RNF130: variants seen among roughly 807,000 people sequenced by gnomAD.
The protein encoded by RNF130 is ring finger protein 130.
Under a neutral mutation model 44.6 loss-of-function variants are expected in RNF130, and 21 were observed. The observed-to-expected ratio is 0.47, with a 90% CI of 0.33 to 0.68. The LOEUF (loss-of-function observed/expected upper bound fraction) is 0.68, where lower values mean the gene tolerates loss of function less well. Ranked by LOEUF, RNF130 falls within the 30% of genes least tolerant of loss-of-function variation. The pLI, the probability that RNF130 is intolerant of heterozygous loss-of-function variation, is 0.02. For missense variants in RNF130, 479 were observed against 560.6 expected (o/e 0.85, Z 1.47); for synonymous variants, 214 against 210.4 (o/e 1.02, Z -0.15).
intron 7 of RNF130, among the ~76,000 whole-genome samples, chr5:179,940,516 C>G (rs980215713): frequency 4.6e-5 from 7 of 152,166 alleles, no homozygotes; most frequent in African/African-American, 1.7e-4. Flanking sequence ...GGATTACAGG[C>G]ATGAGCCACT....
At position 180,022,649 on chromosome 5, in the gene RNF130, A is replaced by G. The variant is rs140857369; in HGVS notation, c.443-9338T>C. Among the ~76,000 whole-genome samples, 886 of 152,328 alleles carry G rather than the reference A, an allele frequency of 5.8e-3. 15 individuals are homozygous for G. Among genetic ancestry groups the G allele is most frequent in the African/African-American group, 0.02 (850 of 41,584 alleles). On this transcript the variant is annotated intron_variant, in intron 2 of 8. Coordinates refer to ENST00000521389, the MANE Select transcript of RNF130 (RefSeq NM_018434.6). ...GGAGCTCACGTGACTGAAGGTTCCC[A>G]GGCATTCTCCTTCTCCATTTGAACT... is the stretch of plus-strand genomic sequence containing the variant.
chr5:179,981,769 CT>C (rs1350865311), intron 3 of RNF130, among the ~76,000 whole-genome samples: 28 of 152,332 alleles, frequency 1.8e-4, no homozygotes, highest in Middle Eastern at 3.4e-3. Flanking sequence ...AAGCAGCTGG[CT>C]TGTTTGAATC....
intron 2 of RNF130, among the ~76,000 whole-genome samples, chr5:180,035,654 G>A (rs1206800268): frequency 6.6e-6 from 1 of 152,156 alleles, no homozygotes; most frequent in Admixed American, 6.5e-5. Flanking sequence ...CATTCTGTCA[G>A]TTTTTGCTTT....
rs1389194499 is a variant in RNF130, at chr5:179,998,198, T to C, written c.693+14863A>G. ...TTAGATTGTTTATTGCAAATCTCTA[T>C]TGTTTTGATGTAGGTGTTAATTGCT... On this transcript the variant is annotated intron_variant, in intron 3 of 8. Transcript: ENST00000521389. 1.5e-4 allele frequency among the ~76,000 whole-genome samples: 23 copies of C among 152,256 alleles called. 1 individual carries two copies. The highest frequency in any genetic ancestry group is 1.5e-3 in the Admixed American group (23 of 15,288).
chr5:179,948,688 G>C (rs558818836), intron 7 of RNF130, among the ~76,000 whole-genome samples: 4 of 151,930 alleles, frequency 2.6e-5, no homozygotes, highest in African/African-American at 9.7e-5. Context: ...AAAAGAGAGA[G>C]AGAGAAAAAA....
At chr5:179,915,091 G>C (rs1342229498) in exon 8 of RNF130, 1 of 151,204 alleles carries the variant, frequency 6.6e-6, no homozygotes, top group Non-Finnish European at 1.5e-5. Flanking sequence ...CACTTGGGAG[G>C]ACGAGGCAGG....
intron 7 of RNF130, among the ~76,000 whole-genome samples, chr5:179,932,205 T>C (rs1344886990): frequency 2.2e-5 from 3 of 133,922 alleles, no homozygotes; most frequent in East Asian, 3.0e-4. Context: ...ATTCTAATTG[T>C]AATTTTAAGT....
In RNF130 at chr5:180,040,560, T is replaced by C; in HGVS notation, c.335A>G (p.Asn112Ser). 1.9e-6 allele frequency: 3 copies of C among 1,614,182 alleles called. No individual in the cohort carries two copies. Among genetic ancestry groups the C allele is most frequent in the Non-Finnish European group, 1.7e-6 (2 of 1,180,010 alleles). ...TGATATTTTCTCTTTAAACGTGCAG[T>C]TTCCCCTCTGCAGCAAGGCAATCCA... ...KQWIALLQRGNCTFKEKISRA... is the reference protein window; with the variant it reads ...KQWIALLQRGSCTFKEKISRA... The change falls in exon 2 of 9, where the codon AAC (asparagine) becomes AGC (serine). Residue 112 changes from asparagine to serine, a missense_variant. By Grantham distance (46) the Asn-to-Ser change is conservative. Around this residue, in one of 3 missense-constraint regions of RNF130, gnomAD observed 180 missense variants for 275.1 expected, o/e 0.65. Coordinates refer to ENST00000521389, the MANE Select transcript of RNF130 (RefSeq NM_018434.6).
At chr5:179,935,641 T>C (rs964114776) in intron 7 of RNF130, among the ~76,000 whole-genome samples, 1 of 152,168 alleles carries the variant, frequency 6.6e-6, no homozygotes, top group African/African-American at 2.4e-5. Flanking sequence ...CTTGGCTCGC[T>C]GGTCCTATAG....
chr5:180,071,124 A>G (rs1210091634), intron 1 of RNF130, among the ~76,000 whole-genome samples: 1 of 152,134 alleles, frequency 6.6e-6, no homozygotes, highest in African/African-American at 2.4e-5. Flanking sequence ...CGTCCTCCCC[A>G]TGAAGTAGTT....
At chr5:179,989,379 T>C (rs2113026698) in intron 3 of RNF130, among the ~76,000 whole-genome samples, 1 of 152,292 alleles carries the variant, frequency 6.6e-6, no homozygotes, top group South Asian at 2.1e-4. Context: ...TGTATTGGAG[T>C]GTATCTATCC....
At chr5:180,060,197 T>C (rs886822427) in intron 1 of RNF130, among the ~76,000 whole-genome samples, 2 of 152,168 alleles carry the variant, frequency 1.3e-5, no homozygotes, top group African/African-American at 2.4e-5. Context: ...GTAAAACTCA[T>C]TTCAGAATTC....
intron 2 of RNF130, among the ~76,000 whole-genome samples, chr5:180,036,836 C>A (rs34882290): frequency 0.22 from 19,247 of 85,870 alleles, 1,393 homozygotes; most frequent in South Asian, 0.41. Flanking sequence ...TCTACCCCCA[C>A]ACTCAGCTTA....
chr5:179,961,984 T>C (rs560429645), intron 8 of RNF130, among the ~76,000 whole-genome samples: 1 of 152,340 alleles, frequency 6.6e-6, no homozygotes, highest in South Asian at 2.1e-4. Flanking sequence ...TGCGATATGG[T>C]CCTAGCATTA....
Position 179,955,419 on chromosome 5 carries a change from T to C in RNF130, c.*235A>G. ...AACACAAACAAATGCAATCTGGGTCTGCGAGCTTCAAATCAGCCCTCAAAA... is the reference window on the plus strand; with the variant it reads ...AACACAAACAAATGCAATCTGGGTCCGCGAGCTTCAAATCAGCCCTCAAAA... On this transcript the variant is annotated 3_prime_UTR_variant, in exon 9 of 9. Coordinates refer to ENST00000521389, the MANE Select transcript of RNF130 (RefSeq NM_018434.6). The C allele has an allele frequency of 2.3e-6, 1 of 428,988 alleles. No homozygotes were observed. Among genetic ancestry groups the C allele is most frequent in the Non-Finnish European group, 4.2e-6 (1 of 236,432 alleles). The allele number at this position is 428,988 out of a possible 1,614,324, so 26.6% of individuals were successfully genotyped here. A position where few individuals can be genotyped will look rare whatever the true frequency, so the allele number is the denominator to read the frequency against.
intron 7 of RNF130, chr5:179,933,972 C>T (rs1182237546): frequency 8.0e-6 from 3 of 375,790 alleles, no homozygotes; most frequent in East Asian, 1.4e-4. Flanking sequence ...CAAGTTGGGG[C>T]TGATTATGGC....
intron 5 of RNF130, among the ~76,000 whole-genome samples, chr5:179,976,500 C>T (rs1762718844): frequency 6.6e-6 from 1 of 152,190 alleles, no homozygotes; most frequent in Non-Finnish European, 1.5e-5. Flanking sequence ...CTGGCGTGTG[C>T]ATTTCCTTTA....
chr5:179,925,549 G>A (rs1344762261), intron 7 of RNF130, among the ~76,000 whole-genome samples: 1 of 151,808 alleles, frequency 6.6e-6, no homozygotes, highest in African/African-American at 2.4e-5. Context: ...TTCTTTTTGA[G>A]GTGCTCTCAC....
downstream of RNF130, among the ~76,000 whole-genome samples, chr5:179,953,914 G>A (rs1014085993): frequency 2.6e-5 from 4 of 152,082 alleles, no homozygotes; most frequent in African/African-American, 4.8e-5. Flanking sequence ...ACAAAAAACA[G>A]TCCAATTTAA....
Sources: allele counts gnomAD v4.1 joint callset (sites outside exome capture counted in the v4.1 genomes callset), GRCh38; gene constraint gnomAD v4.1.1; regional missense constraint gnomAD v4.1.1; transcripts MANE v1.5; gene names NCBI Gene and HGNC (gene_info 2026-07-23, HGNC 2026-07-21).